Variants in CLSTN2 observed in about 807,000 individuals in gnomAD.
CLSTN2 encodes calsyntenin 2, also known as calsyntenin-2.
CLSTN2 carries 48 observed loss-of-function variants against 101.2 expected under a neutral mutation model. That is an observed-to-expected ratio of 0.47 (90% CI 0.38 to 0.60). The LOEUF (loss-of-function observed/expected upper bound fraction) is 0.60, where lower values mean the gene tolerates loss of function less well. Ranked by LOEUF, CLSTN2 falls within the 20% of genes least tolerant of loss-of-function variation. The pLI, the probability that CLSTN2 is intolerant of heterozygous loss-of-function variation, is 0.00. For synonymous variants in CLSTN2, 481 were observed against 463.6 expected, an observed-to-expected ratio of 1.04 and a Z score of -0.48; for missense variants, 1,160 against 1,238.2, an observed-to-expected ratio of 0.94 and a Z score of 0.95.
rs769098730 is a variant in CLSTN2, at chr3:140,563,193, G to C, written c.2472G>C (p.Gln824His). ...VHHPESRSSI[Q>H]HSSVVPSIAT... Reference sequence around the variant, plus strand: ...ATCCTGAGTCCCGGAGTAGCATCCAGCACAGTTCAGGTAGGGTGCCCAAGA... The same window carrying C: ...ATCCTGAGTCCCGGAGTAGCATCCACCACAGTTCAGGTAGGGTGCCCAAGA... The change falls in exon 15 of 17, where the codon CAG (glutamine) becomes CAC (histidine). Residue 824 changes from glutamine (Q) to histidine (H), a missense_variant. By Grantham distance (24) the Gln-to-His change is conservative. Coordinates refer to ENST00000458420, the MANE Select transcript of CLSTN2 (RefSeq NM_022131.3). 5 of 1,613,868 alleles carry C rather than the reference G, an allele frequency of 3.1e-6. No individual in the cohort carries two copies. In the South Asian group the frequency reaches 3.3e-5, roughly 11 times the overall value.
intron 8 of CLSTN2, among the ~76,000 whole-genome samples, chr3:140,525,324 T>C (rs1031063698): frequency 6.6e-6 from 1 of 152,112 alleles, no homozygotes; most frequent in African/African-American, 2.4e-5. Flanking sequence ...CCTCTCTGCA[T>C]ATAAACTAGG....
At chr3:140,026,791 A>G (rs746471177) in intron 1 of CLSTN2, among the ~76,000 whole-genome samples, 9 of 152,200 alleles carry the variant, frequency 5.9e-5, no homozygotes, top group Non-Finnish European at 1.2e-4. Flanking sequence ...GAGACCCCCT[A>G]CTTCCTATCT....
chr3:140,221,683 G>A (rs1559810404), intron 2 of CLSTN2, among the ~76,000 whole-genome samples: 1 of 152,138 alleles, frequency 6.6e-6, no homozygotes, highest in Non-Finnish European at 1.5e-5. Context: ...AATATGAATA[G>A]ACATTTCTCA....
At chr3:140,353,538 A>T (rs2087634240) in intron 2 of CLSTN2, among the ~76,000 whole-genome samples, 1 of 152,054 alleles carries the variant, frequency 6.6e-6, no homozygotes, top group Admixed American at 6.6e-5. Flanking sequence ...CAGCCCACTG[A>T]CTCAAACGTT....
chr3:140,211,935 T>G (rs2010860830), intron 2 of CLSTN2, among the ~76,000 whole-genome samples: 2 of 152,330 alleles, frequency 1.3e-5, no homozygotes, highest in African/African-American at 4.8e-5. Context: ...GTGTTTAATC[T>G]TCAATTCTCA....
chr3:140,159,544 G>A (rs2010011862), intron 1 of CLSTN2, among the ~76,000 whole-genome samples: 3 of 152,162 alleles, frequency 2.0e-5, no homozygotes, highest in Non-Finnish European at 2.9e-5. Flanking sequence ...TGGTGAAAGG[G>A]CATGCTTTTA....
At chr3:140,308,009 T>C (rs942970209) in intron 2 of CLSTN2, among the ~76,000 whole-genome samples, 6 of 152,192 alleles carry the variant, frequency 3.9e-5, no homozygotes, top group Non-Finnish European at 8.8e-5. Context: ...TAATGTAAAG[T>C]TGGCTCATGA....
chr3:139,951,149 C>T (rs1339726600), intron 1 of CLSTN2, among the ~76,000 whole-genome samples: 1 of 152,128 alleles, frequency 6.6e-6, no homozygotes, highest in African/African-American at 2.4e-5. Flanking sequence ...AGATGGTATG[C>T]TGGGGGCCAT....
intron 2 of CLSTN2, among the ~76,000 whole-genome samples, chr3:140,328,901 T>C (rs1031807862): frequency 1.1e-4 from 16 of 152,246 alleles, no homozygotes; most frequent in African/African-American, 3.9e-4. Flanking sequence ...TTACTCCGCA[T>C]TTTCTAATGA....
intron 8 of CLSTN2, among the ~76,000 whole-genome samples, chr3:140,519,204 TG>T (rs1189037098): frequency 6.6e-6 from 1 of 152,240 alleles, no homozygotes; most frequent in Non-Finnish European, 1.5e-5. Context: ...CCGTTTGCTA[TG>T]ATTTCAGTTC....
At position 140,384,003 on chromosome 3, in the gene CLSTN2, G is replaced by A. The variant is rs148472533; in HGVS notation, c.233-19626G>A. ...AACGGGTTACATTTAGAATGCATTA[G>A]CTCCTGACACCCAGGGCCTAGGTAA... is the stretch of plus-strand genomic sequence containing the variant. On this transcript the variant is annotated intron_variant, in intron 2 of 16. Coordinates refer to ENST00000458420, the MANE Select transcript of CLSTN2 (RefSeq NM_022131.3). Among the ~76,000 whole-genome samples, 862 of 152,312 alleles carry A rather than the reference G, an allele frequency of 5.7e-3. 9 individuals carry two copies. Among genetic ancestry groups the A allele is most frequent in the African/African-American group, 0.02 (822 of 41,558 alleles).
rs113383301 is a variant in CLSTN2, at chr3:140,065,057, C to T, written c.110-110894C>T. ...TCAAAAAGTTAACTTGGCTAACAAC[C>T]ATGGAAGCAATTTAAAATGATGATT... On this transcript the variant is annotated intron_variant, in intron 1 of 16. Transcript: ENST00000458420. Among the ~76,000 whole-genome samples the T allele has an allele frequency of 3.9e-5, 6 of 152,284 alleles. 1 individual carries two copies. The highest frequency in any genetic ancestry group is 1.4e-4 in the African/African-American group (6 of 41,566).
intron 1 of CLSTN2, among the ~76,000 whole-genome samples, chr3:140,102,334 A>T (rs1480821009): frequency 2.0e-5 from 3 of 152,330 alleles, no homozygotes; most frequent in African/African-American, 4.8e-5. Context: ...ATCTAGAACC[A>T]ACAGTCCATG....
At chr3:140,331,174 T>C (rs1362844701) in intron 2 of CLSTN2, among the ~76,000 whole-genome samples, 1 of 151,936 alleles carries the variant, frequency 6.6e-6, no homozygotes, top group Non-Finnish European at 1.5e-5. Context: ...GAGTCCAAAG[T>C]CTGAAGAATC....
intron 2 of CLSTN2, among the ~76,000 whole-genome samples, chr3:140,271,802 T>G (rs2086744538): frequency 6.6e-6 from 1 of 152,220 alleles, no homozygotes; most frequent in South Asian, 2.1e-4. Context: ...TCAACTAGTT[T>G]TAAAAACAAG....
At chr3:140,361,183 C>T (rs2087726307) in intron 2 of CLSTN2, among the ~76,000 whole-genome samples, 1 of 152,106 alleles carries the variant, frequency 6.6e-6, no homozygotes, top group South Asian at 2.1e-4. Context: ...AGCCTAGAAA[C>T]CAAATACTGG....
intron 2 of CLSTN2, among the ~76,000 whole-genome samples, chr3:140,244,523 G>C (rs1045287393): frequency 2.0e-5 from 3 of 152,126 alleles, no homozygotes; most frequent in Admixed American, 6.6e-5. Context: ...AGAGCACCAG[G>C]CTCAGCCTTT....
intron 9 of CLSTN2, among the ~76,000 whole-genome samples, chr3:140,541,951 C>T (rs1274200311): frequency 1.3e-5 from 2 of 152,024 alleles, no homozygotes; most frequent in African/African-American, 4.8e-5. Flanking sequence ...ACCCTCCCTG[C>T]GACAATGAGC....
intron 2 of CLSTN2, among the ~76,000 whole-genome samples, chr3:140,308,830 C>T (rs868799256): frequency 2.1e-4 from 32 of 152,180 alleles, no homozygotes; most frequent in African/African-American, 7.7e-4. Context: ...TGTTAGAATC[C>T]CTTCCCATCC....
Sources: allele counts gnomAD v4.1 joint callset (sites outside exome capture counted in the v4.1 genomes callset), GRCh38; gene constraint gnomAD v4.1.1; transcripts MANE v1.5; gene names NCBI Gene and HGNC (gene_info 2026-07-23, HGNC 2026-07-21).